The following ETV6 variants were observed in gnomAD, a reference collection of about 807,000 sequenced individuals.
ETV6 encodes ETS variant transcription factor 6.
ETV6 carries 16 observed loss-of-function variants against 51.1 expected under a neutral mutation model. That is an observed-to-expected ratio of 0.31 (90% confidence interval 0.21 to 0.48). ETV6 has a LOEUF of 0.48. Among genes scored for constraint, ETV6 ranks in the 20% least tolerant of loss-of-function variants. The probability of loss-of-function intolerance (pLI) is 0.99; values close to 1 mark genes in which losing one functional copy is unlikely to be tolerated. For synonymous variants in ETV6, 240 were observed against 224.1 expected, an observed-to-expected ratio of 1.07 and a Z score of -0.64; for missense variants, 458 against 594.8, an observed-to-expected ratio of 0.77 and a Z score of 2.39.
intron 1 of ETV6, among the ~76,000 whole-genome samples, chr12:11,669,395 T>C (rs184895185): frequency 0.14 from 3,713 of 26,070 alleles, 61 homozygotes; most frequent in Admixed American, 0.23. Context: ...CCCTCCCTCC[T>C]TTCCTCCTTT....
intron 2 of ETV6, among the ~76,000 whole-genome samples, chr12:11,792,061 G>A (rs529354735): frequency 1.3e-5 from 2 of 152,150 alleles, no homozygotes; most frequent in Non-Finnish European, 2.9e-5. Context: ...GCGGCTAAAA[G>A]CAAAGCCTGT....
At chr12:11,887,953 G>A (rs1428208297) in intron 7 of ETV6, among the ~76,000 whole-genome samples, 1 of 152,040 alleles carries the variant, frequency 6.6e-6, no homozygotes, top group Non-Finnish European at 1.5e-5. Flanking sequence ...CTAGAAGCCT[G>A]GGAACTACAT....
At chr12:11,710,617 A>G (rs1047376060) in intron 1 of ETV6, among the ~76,000 whole-genome samples, 3 of 131,436 alleles carry the variant, frequency 2.3e-5, no homozygotes, top group African/African-American at 7.4e-5. Flanking sequence ...ACAAATATAC[A>G]CTACTGTTAG....
At chr12:11,723,371 G>C (rs765739425) in intron 1 of ETV6, among the ~76,000 whole-genome samples, 1 of 152,012 alleles carries the variant, frequency 6.6e-6, no homozygotes, top group Middle Eastern at 3.2e-3. Flanking sequence ...TACCCACAAC[G>C]CACTCTCCCT....
chr12:11,881,633 C>T (rs1947095890), intron 5 of ETV6, among the ~76,000 whole-genome samples: 1 of 152,146 alleles, frequency 6.6e-6, no homozygotes, highest in Non-Finnish European at 1.5e-5. Context: ...GGGGTGGGGC[C>T]CCCAAGACCT....
chr12:11,816,723 C>G (rs1167216455), intron 2 of ETV6, among the ~76,000 whole-genome samples: 1 of 152,184 alleles, frequency 6.6e-6, no homozygotes, highest in Non-Finnish European at 1.5e-5. Flanking sequence ...CTTTCTCCAG[C>G]TAAGCCAAAG....
At chr12:11,764,805 T>C (rs1945140745) in intron 2 of ETV6, among the ~76,000 whole-genome samples, 1 of 152,198 alleles carries the variant, frequency 6.6e-6, no homozygotes, top group Non-Finnish European at 1.5e-5. Context: ...ATTGAGTGCT[T>C]ATGGTAGGCG....
chr12:11,707,120 G>C (rs546810952), intron 1 of ETV6, among the ~76,000 whole-genome samples: 1 of 152,238 alleles, frequency 6.6e-6, no homozygotes, highest in East Asian at 1.9e-4. Context: ...AAACCTCAGG[G>C]AACTCAGAAG....
intron 1 of ETV6, among the ~76,000 whole-genome samples, chr12:11,672,423 A>C (rs892055071): frequency 2.0e-5 from 3 of 152,146 alleles, no homozygotes; most frequent in African/African-American, 7.2e-5. Context: ...CAAAAGGAAA[A>C]ATAAAACCAC....
At chr12:11,833,312 A>G (rs148318904) in intron 2 of ETV6, among the ~76,000 whole-genome samples, 2 of 152,290 alleles carry the variant, frequency 1.3e-5, no homozygotes, top group South Asian at 2.1e-4. Flanking sequence ...TCTATGATTC[A>G]ATGATATTTA....
intron 1 of ETV6, among the ~76,000 whole-genome samples, chr12:11,656,154 C>T (rs932349120): frequency 6.6e-6 from 1 of 152,094 alleles, no homozygotes; most frequent in Non-Finnish European, 1.5e-5. Context: ...ATCTCATTTA[C>T]TCTTCACAGC....
chr12:11,893,794 T>TTTTATATATA lies in ETV6; in HGVS notation c.*2749_*2750insTTATATATAT, dbSNP rs1947337801. ...GTGTCCATCCCCAAGATCTCTCATT[T>TTTTATATATA]TATATATATATATATATATATATAT... is the stretch of plus-strand genomic sequence containing the variant. On this transcript the variant is annotated 3_prime_UTR_variant, in exon 8 of 8. Coordinates refer to ENST00000396373, the MANE Select transcript of ETV6 (RefSeq NM_001987.5). 2.5e-5 allele frequency: 2 copies of TTTTATATATA among 78,902 alleles called. No homozygotes were observed. Among genetic ancestry groups the TTTTATATATA allele is most frequent in the South Asian group, 4.9e-4 (1 of 2,038 alleles). 4.9% of individuals were successfully genotyped at this position (78,902 alleles called of 1,614,324 possible).
chr12:11,756,336 A>G (rs1945007623), intron 2 of ETV6, among the ~76,000 whole-genome samples: 1 of 152,146 alleles, frequency 6.6e-6, no homozygotes, highest in South Asian at 2.1e-4. Flanking sequence ...GCTTACCGGG[A>G]GAGCAAACAC....
At chr12:11,842,156 C>T (rs912035280) in intron 3 of ETV6, among the ~76,000 whole-genome samples, 57 of 152,068 alleles carry the variant, frequency 3.7e-4, no homozygotes, top group African/African-American at 1.3e-3. Context: ...GACAAGACTG[C>T]ACGTGCTAGA....
intron 2 of ETV6, among the ~76,000 whole-genome samples, chr12:11,823,893 G>A (rs1453166711): frequency 1.3e-5 from 2 of 152,178 alleles, no homozygotes; most frequent in African/African-American, 4.8e-5. Context: ...GATTCTTCCT[G>A]TGTATCCCCT....
At chr12:11,883,632 A>C (rs1257257585) in intron 5 of ETV6, among the ~76,000 whole-genome samples, 2 of 152,066 alleles carry the variant, frequency 1.3e-5, no homozygotes, top group East Asian at 3.9e-4. Context: ...ACAGCCAAAA[A>C]CCAAGGCCCA....
chr12:11,706,865 G>A (rs940935507), intron 1 of ETV6, among the ~76,000 whole-genome samples: 7 of 152,246 alleles, frequency 4.6e-5, no homozygotes, highest in Non-Finnish European at 8.8e-5. Flanking sequence ...ATGACCTGCA[G>A]GTTGATGCTG....
At chr12:11,852,284 A>G (rs1016243481) in intron 3 of ETV6, among the ~76,000 whole-genome samples, 1 of 152,180 alleles carries the variant, frequency 6.6e-6, no homozygotes, top group African/African-American at 2.4e-5. Flanking sequence ...CACCTGCTCA[A>G]CCCAGCCCCT....
intron 2 of ETV6, among the ~76,000 whole-genome samples, chr12:11,768,649 G>A (rs865819281): frequency 2.6e-5 from 4 of 152,262 alleles, no homozygotes; most frequent in African/African-American, 9.6e-5. Context: ...GCATACTCTC[G>A]AAATGGCAAA....
Sources: gnomAD v4.1 joint callset for allele counts (sites outside exome capture counted in the v4.1 genomes callset) on GRCh38, gnomAD v4.1.1 for gene constraint, MANE v1.5 for transcripts, NCBI Gene and HGNC (gene_info 2026-07-23, HGNC 2026-07-21) for gene names.